Variants in USP8 observed in about 807,000 individuals in gnomAD.
USP8 encodes ubiquitin carboxyl-terminal hydrolase 8.
USP8 carries 27 observed loss-of-function variants against 130.0 expected under a neutral mutation model. That is an observed-to-expected ratio of 0.21 (90% CI 0.15 to 0.29). The LOEUF is 0.29. USP8 is among the 10% of genes least tolerant of loss of function. The pLI is 1.00. For missense variants in USP8, 1,029 were observed against 1,312.2 expected (o/e 0.78, Z 3.33); for synonymous variants, 392 against 444.1 (o/e 0.88, Z 1.48).
chr15:50,444,402 A>G, intron 3 of USP8, among the ~76,000 whole-genome samples: 1 of 142,206 alleles, frequency 7.0e-6, no homozygotes. Context: ...ACCATGCCCA[A>G]CCAGTTTTTT....
At chr15:50,458,109 G>C (rs543955052) in intron 4 of USP8, among the ~76,000 whole-genome samples, 1 of 151,996 alleles carries the variant, frequency 6.6e-6, no homozygotes, top group East Asian at 1.9e-4. Flanking sequence ...CTATGATAAC[G>C]TACAGTCTGT....
chr15:50,425,300 T>A (rs1308201651), intron 1 of USP8, among the ~76,000 whole-genome samples: 1 of 152,248 alleles, frequency 6.6e-6, no homozygotes, highest in Non-Finnish European at 1.5e-5. Context: ...GATGTTACCT[T>A]TTCTGAATCT....
intron 8 of USP8, 75 bp from the exon 9 acceptor site, chr15:50,476,773 TA>T: frequency 1.4e-6 from 2 of 1,440,962 alleles, no homozygotes; most frequent in Non-Finnish European, 1.8e-6. Context: ...GGAACAACTT[TA>T]AAATTTAGAT....
chr15:50,476,524 G>T (rs1371541427), intron 8 of USP8, among the ~76,000 whole-genome samples: 2 of 152,152 alleles, frequency 1.3e-5, no homozygotes, highest in Non-Finnish European at 2.9e-5. Context: ...ACATCATAAA[G>T]GTTTTATTGA....
chr15:50,439,241 A>G (rs1462764222), intron 2 of USP8, 64 bp downstream of exon 2: 1 of 1,046,786 alleles, frequency 9.6e-7, no homozygotes, highest in African/African-American at 1.7e-5. Context: ...TTTCCATATT[A>G]AAGTTAGATG....
At chr15:50,495,101 A>G in intron 16 of USP8, among the ~76,000 whole-genome samples, 1 of 151,848 alleles carries the variant, frequency 6.6e-6, no homozygotes, top group East Asian at 1.9e-4. Context: ...GTATACATAA[A>G]TGACCACCCT....
intron 16 of USP8, among the ~76,000 whole-genome samples, chr15:50,495,271 CAT>C (rs1480532816): frequency 4.2e-5 from 2 of 48,084 alleles, no homozygotes; most frequent in African/African-American, 1.2e-4. Context: ...CATATATACA[CAT>C]ATATATACAC....
In USP8 at chr15:50,459,007, G is replaced by A; in HGVS notation, c.343G>A (p.Glu115Lys). Reference sequence around the variant, plus strand: ...ACTTATTTTTTCAACTAGATATGAAGAAGCTGAAGTCCGGAAAAAACTTGA... The same window carrying A: ...ACTTATTTTTTCAACTAGATATGAAAAAGCTGAAGTCCGGAAAAAACTTGA... Reference protein sequence around the residue: ...LSESLKLRYEEAEVRKKLEEK... With the variant: ...LSESLKLRYEKAEVRKKLEEK... The change falls in exon 5 of 20, where the codon GAA becomes AAA. Residue 115 changes from glutamate (E) to lysine (K), a missense_variant. This residue lies in a region of USP8 where 281 missense variants were observed against 336.7 expected (regional missense o/e 0.83). Coordinates refer to ENST00000307179, the MANE Select transcript of USP8 (RefSeq NM_005154.5). 6.2e-7 allele frequency: 1 copy of A among 1,612,850 alleles called. No individual in the cohort carries two copies. Among genetic ancestry groups the A allele is most frequent in the Non-Finnish European group, 8.5e-7 (1 of 1,179,950 alleles).
In USP8 at chr15:50,477,457, A is replaced by G. The variant is rs1171388215; in HGVS notation, c.1176A>G (p.Ser392=). ...EPVAASKSDV[S]PIIQPVPSIK... Reference sequence around the variant, plus strand: ...TTGCTGCTTCTAAATCTGATGTTTCACCCATAATTCAGCCAGTGCCTAGTA... The same window carrying G: ...TTGCTGCTTCTAAATCTGATGTTTCGCCCATAATTCAGCCAGTGCCTAGTA... Residue 392 remains serine, a synonymous_variant, in exon 10 of 20, where the codon TCA becomes TCG. Transcript: ENST00000307179. The G allele has an allele frequency of 1.9e-6, 3 of 1,613,990 alleles. 1 individual carries two copies. In the African/African-American group the frequency reaches 4.0e-5, roughly 22 times the overall value.
rs369928582 is a variant in USP8, at chr15:50,434,051, G to A, written c.-65-4958G>A. The stretch of plus-strand genomic sequence containing the variant: ...TGTTAGAAGCATGTTAATTTTTCTT[G>A]CATATACTTAGTTATTTTTTTTTCA... On this transcript the variant is annotated intron_variant, in intron 1 of 19. Coordinates refer to ENST00000307179, the MANE Select transcript of USP8 (RefSeq NM_005154.5). 7.9e-5 allele frequency among the ~76,000 whole-genome samples: 12 copies of A among 151,794 alleles called. No homozygotes were observed. The South Asian group carries it at 1.2e-3, about 16-fold the overall frequency.
intron 12 of USP8, among the ~76,000 whole-genome samples, chr15:50,485,449 CAA>C (rs71424070): frequency 7.7e-5 from 9 of 116,426 alleles, no homozygotes; most frequent in Admixed American, 8.9e-5. Context: ...GACTCCATTT[CAA>C]AAAAAAAAAA....
rs1010365913 is a variant in USP8 at position 50,500,908 on chromosome 15, G to T, written c.*1820G>T. ...TAACTACTGGAACAGAAATGATAGGGCCAAGAGATGCTTTTTAAATTGTCC... is the reference window on the plus strand; with the variant it reads ...TAACTACTGGAACAGAAATGATAGGTCCAAGAGATGCTTTTTAAATTGTCC... On this transcript the variant is annotated 3_prime_UTR_variant, in exon 20 of 20. Transcript: ENST00000307179. 8.3e-7 allele frequency: 1 copy of T among 1,212,046 alleles called. No individual in the cohort carries two copies. The highest frequency in any genetic ancestry group is 1.2e-6 in the Non-Finnish European group (1 of 843,824). The allele number at this position is 1,212,046 out of a possible 1,614,324, so 75.1% of individuals were successfully genotyped here.
At chr15:50,476,731 T>A in intron 8 of USP8, 118 bp from the exon 9 acceptor site, 1 of 1,130,968 alleles carries the variant, frequency 8.8e-7, no homozygotes, top group Non-Finnish European at 1.2e-6. Flanking sequence ...TCTCATTTTG[T>A]CATTATTTAG....
At chr15:50,444,424 T>G (rs1490055462) in intron 3 of USP8, 2 of 151,250 alleles carry the variant, frequency 1.3e-5, no homozygotes, top group African/African-American at 4.9e-5. Flanking sequence ...TTTTTAATGG[T>G]CTTGTTTACT....
At chr15:50,447,078 A>G (rs1326084920) in intron 3 of USP8, among the ~76,000 whole-genome samples, 4 of 152,232 alleles carry the variant, frequency 2.6e-5, no homozygotes, top group Admixed American at 1.3e-4. Context: ...ATTATTGAGC[A>G]CTGGTATATT....
rs953117827 is a variant in USP8, at chr15:50,504,427, G to C, written c.*5339G>C. On this transcript the variant is annotated 3_prime_UTR_variant, in exon 20 of 20. Coordinates refer to ENST00000307179, the MANE Select transcript of USP8 (RefSeq NM_005154.5). ...TAGTCCCAGCTACTTGGTAGGTTGAGGTGGGAGAATCACCTGAGCCCAGGA... is the reference window on the plus strand; with the variant it reads ...TAGTCCCAGCTACTTGGTAGGTTGACGTGGGAGAATCACCTGAGCCCAGGA... The C allele has an allele frequency of 6.6e-6, 1 of 152,376 alleles. No individual in the cohort carries two copies. Among genetic ancestry groups the C allele is most frequent in the African/African-American group, 2.4e-5 (1 of 41,452 alleles). The allele number at this position is 152,376 out of a possible 1,614,324, so 9.4% of individuals were successfully genotyped here. A position where few individuals can be genotyped will look rare whatever the true frequency, so the allele number is the denominator to read the frequency against.
chr15:50,493,919 A>T (rs1425594172), intron 15 of USP8, 151 bp from the exon 16 acceptor site: 1 of 941,702 alleles, frequency 1.1e-6, no homozygotes, highest in East Asian at 2.5e-5. Flanking sequence ...GATTCAGATG[A>T]GAATCTGGTG....
rs1170359688 is a variant in USP8 at position 50,499,063 on chromosome 15, C to T, written c.3332C>T (p.Pro1111Leu). ...ATCCTCTTTTATACTTCATTGGGAC[C>T]ACGAGTAACTGATGTAGCCACATAA... Reference protein sequence around the residue: ...AYILFYTSLGPRVTDVAT With the variant: ...AYILFYTSLGLRVTDVAT Residue 1111 changes from proline (P) to leucine (L), a missense_variant, in exon 20 of 20, where the codon CCA becomes CTA. Physicochemically the swap from Pro to Leu is moderately conservative, Grantham distance 98 (BLOSUM62 -3). Around this residue, in one of 4 missense-constraint regions of USP8, gnomAD observed 257 missense variants for 429.8 expected, o/e 0.60. Transcript: ENST00000307179. 1 of 1,610,558 alleles carries T rather than the reference C, an allele frequency of 6.2e-7. No individual in the cohort carries two copies. The highest frequency in any genetic ancestry group is 8.5e-7 in the Non-Finnish European group (1 of 1,178,298).
intron 4 of USP8, among the ~76,000 whole-genome samples, chr15:50,455,117 C>T (rs898302626): frequency 6.6e-6 from 1 of 151,162 alleles, no homozygotes; most frequent in Non-Finnish European, 1.5e-5. Flanking sequence ...ACTCTGTTGT[C>T]GAGGTTGGAG....
Sources: gnomAD v4.1 joint callset for allele counts (sites outside exome capture counted in the v4.1 genomes callset) on GRCh38, gnomAD v4.1.1 for gene constraint, gnomAD v4.1.1 regional missense constraint, MANE v1.5 for transcripts, NCBI Gene and HGNC (gene_info 2026-07-23, HGNC 2026-07-21) for gene names.